The following SERPINA7 variants were observed in gnomAD, a reference collection of about 807,000 sequenced individuals.
SERPINA7 encodes thyroxine-binding globulin.
A neutral mutation model predicts 16.0 loss-of-function variants in SERPINA7; 14 were observed. The observed-to-expected ratio is 0.88, with a 90% CI of 0.58 to 1.37. The LOEUF (loss-of-function observed/expected upper bound fraction) is 1.37. SERPINA7 is among the 40% of genes most tolerant of loss of function. SERPINA7 has a pLI of 0.00. For missense variants in SERPINA7, 335 were observed against 296.6 expected (o/e 1.13, Z -0.95); for synonymous variants, 140 against 111.0 (o/e 1.26, Z -1.65).
intron 4 of SERPINA7, among the ~76,000 whole-genome samples, chrX:106,033,948 T>C (rs1328095069): frequency 1.8e-5 from 2 of 112,238 alleles, no homozygotes; most frequent in Admixed American, 9.5e-5. Flanking sequence ...CTCTTAAGCA[T>C]TCCCTCCTCA....
intron 3 of SERPINA7, 86 bp downstream of exon 3, chrX:106,035,026 T>C (rs1344008032): frequency 9.3e-7 from 1 of 1,078,932 alleles, no homozygotes. Context: ...TCAGGGTGAT[T>C]CTTCTGCCTC....
rs373157996 is a variant in SERPINA7 at position 106,034,206 on chromosome X, C to T, written c.1044+29G>A. The T allele has an allele frequency of 6.7e-6, 8 of 1,190,543 alleles. No individual in the cohort carries two copies. In the African/African-American group the frequency reaches 8.8e-5, roughly 13 times the overall value. The stretch of plus-strand genomic sequence containing the variant: ...CTCCTAATTGCTCTTCCAGTTCATA[C>T]ATTTAAGAACTCTAGTTTATCAACT... On this transcript the variant is annotated intron_variant, in intron 4 of 4. Coordinates refer to ENST00000372563, the MANE Select transcript of SERPINA7 (RefSeq NM_000354.6).
chrX:106,034,251 C>A lies in SERPINA7; in HGVS notation c.1028G>T (p.Gly343Val). 8.3e-7 allele frequency: 1 copy of A among 1,210,656 alleles called. No individual in the cohort carries two copies. The highest frequency in any genetic ancestry group is 1.8e-5 in the South Asian group (1 of 56,980). The change falls in exon 4 of 5, where the codon GGT becomes GTT. Residue 343 changes from glycine (G) to valine (V), a missense_variant. Physicochemically the swap from Gly to Val is moderately radical, Grantham distance 109. Coordinates refer to ENST00000372563, the MANE Select transcript of SERPINA7 (RefSeq NM_000354.6). ...TCAACTTACATTGGAAAGTTTCAGA[C>A]CATTGTCCTCTGTGAGTCCAGAAAA... ...ADFSGLTEDN[G>V]LKLSNAAHKA...
Position 106,037,038 on chromosome X carries a change from C to G in SERPINA7, c.21G>C (p.Leu7=), listed in dbSNP as rs1027807386. The G allele has an allele frequency of 8.3e-7, 1 of 1,209,577 alleles. No individual in the cohort carries two copies. Among genetic ancestry groups the G allele is most frequent in the Admixed American group, 2.2e-5 (1 of 45,893 alleles). Residue 7 remains leucine, a synonymous_variant, in exon 2 of 5, where the codon CTG becomes CTC. Transcript: ENST00000372563. The stretch of plus-strand genomic sequence containing the variant: ...CATGAAGCCCAAGTACCAAGAGAAC[C>G]AGATACAGGAATGGTGACATTTTGG... The part of the protein sequence containing the change: MSPFLY[L]VLLVLGLHAT...
Position 106,033,439 on chromosome X carries a change from A to G in SERPINA7, c.*61T>C, listed in dbSNP as rs1276445393. 5 of 1,137,161 alleles carry G rather than the reference A, an allele frequency of 4.4e-6. No individual in the cohort carries two copies. In the African/African-American group the frequency reaches 9.0e-5, roughly 20 times the overall value. 93.7% of individuals were successfully genotyped at this position (1,137,161 alleles called of 1,213,427 possible). Reference sequence around the variant, plus strand: ...GCTCACATCAATCACACCAGGCTATATTATTTATTTATTTCCCATTGCAAT... The same window carrying G: ...GCTCACATCAATCACACCAGGCTATGTTATTTATTTATTTCCCATTGCAAT... On this transcript the variant is annotated 3_prime_UTR_variant, in exon 5 of 5. Transcript: ENST00000372563.
At chrX:106,037,195 A>G in intron 1 of SERPINA7, 120 bp from the exon 2 acceptor site, 2 of 584,348 alleles carry the variant, frequency 3.4e-6, no homozygotes, top group Non-Finnish European at 5.5e-6. Flanking sequence ...ATATTTGATG[A>G]TGTGCTCATC....
chrX:106,035,324 G>T lies in SERPINA7; in HGVS notation c.684C>A (p.Asp228Glu), dbSNP rs201097082. The T allele has an allele frequency of 1.7e-6, 2 of 1,210,579 alleles. No individual in the cohort carries two copies. The highest frequency in any genetic ancestry group is 5.9e-5 in the East Asian group (2 of 33,816). Residue 228 changes from aspartate to glutamate, a missense_variant, in exon 3 of 5, where the codon GAC (aspartate) becomes GAA (glutamate). Asp to Glu is a conservative substitution (Grantham distance 45). Transcript: ENST00000372563. ...TGGGCACTTGAACAGTGGTGGTCTT[G>T]TCTATTAAGAAGCTGGAACTGTCTT... ...KTEDSSSFLI[D>E]KTTTVQVPMM... is the part of the protein sequence containing the mutation.
At chrX:106,034,120 C>G in intron 4 of SERPINA7, 115 bp downstream of exon 4, 1 of 730,863 alleles carries the variant, frequency 1.4e-6, no homozygotes, top group South Asian at 2.4e-5. Flanking sequence ...TAGGAGGAGT[C>G]ACACCGCCTC....
chrX:106,034,937 T>C (rs765313822), intron 3 of SERPINA7, among the ~76,000 whole-genome samples, 175 bp downstream of exon 3: 3 of 112,217 alleles, frequency 2.7e-5, no homozygotes, highest in African/African-American at 9.7e-5. Flanking sequence ...ATATGAAGTA[T>C]GTAGAATGCC....
chrX:106,038,029 G>A (rs191757134), intron 1 of SERPINA7, among the ~76,000 whole-genome samples: 6 of 111,056 alleles, frequency 5.4e-5, no homozygotes, highest in Non-Finnish European at 1.1e-4. Flanking sequence ...CTTACCCTCC[G>A]CACTCAATTG....
At chrX:106,034,521 C>A (rs1262575251) in intron 3 of SERPINA7, 139 bp from the exon 4 acceptor site, 3 of 569,071 alleles carry the variant, frequency 5.3e-6, no homozygotes, top group East Asian at 3.5e-5. Context: ...TAAGTCAATA[C>A]ATGGCACCAA....
chrX:106,033,152 A>C lies in SERPINA7; in HGVS notation c.*348T>G. 1 of 270,367 alleles carries C rather than the reference A, an allele frequency of 3.7e-6. No homozygotes were observed. The highest frequency in any genetic ancestry group is 6.7e-6 in the Non-Finnish European group (1 of 149,733). 22.3% of individuals were successfully genotyped at this position (270,367 alleles called of 1,213,427 possible). The stretch of plus-strand genomic sequence containing the variant: ...ATCTTATTGGAGTACTGGGATACGA[A>C]GACCTGACCTGCTTTTTAGCTATTC... On this transcript the variant is annotated 3_prime_UTR_variant, in exon 5 of 5. Transcript: ENST00000372563.
rs368597333 is a variant in SERPINA7 at position 106,035,350 on chromosome X, C to T, written c.658G>A (p.Glu220Lys). The T allele has an allele frequency of 1.9e-5, 23 of 1,209,954 alleles. No homozygotes were observed. In the Middle Eastern group the frequency reaches 9.2e-4, roughly 48 times the overall value. Residue 220 changes from glutamate (E) to lysine (K), a missense_variant, in exon 3 of 5, where the codon GAA becomes AAA. By Grantham distance (56) the Glu-to-Lys change is moderately conservative. Coordinates refer to ENST00000372563, the MANE Select transcript of SERPINA7 (RefSeq NM_000354.6). The stretch of plus-strand genomic sequence containing the variant: ...TCTATTAAGAAGCTGGAACTGTCTT[C>T]TGTCTTGGATGGATCAAAAGGATTT... ...WANPFDPSKT[E>K]DSSSFLIDKT... is the part of the protein sequence containing the mutation.
intron 3 of SERPINA7, 83 bp from the exon 4 acceptor site, chrX:106,034,465 A>T: frequency 1.2e-6 from 1 of 860,308 alleles, no homozygotes; most frequent in East Asian, 3.1e-5. Flanking sequence ...TGATGGTATT[A>T]TATTGGACTC....
intron 1 of SERPINA7, among the ~76,000 whole-genome samples, chrX:106,037,861 G>A (rs188426105): frequency 9.0e-6 from 1 of 111,585 alleles, no homozygotes; most frequent in Admixed American, 9.5e-5. Flanking sequence ...AGAAAGATAA[G>A]GTGTAAGGTT....
intron 4 of SERPINA7, 112 bp downstream of exon 4, chrX:106,034,123 A>C: frequency 5.3e-6 from 4 of 750,274 alleles, no homozygotes; most frequent in Non-Finnish European, 8.1e-6. Context: ...GAGGAGTCAC[A>C]CCGCCTCTCT....
rs1179979786 is a variant in SERPINA7 at position 106,038,690 on chromosome X, G to A, written c.-18+8C>T. The A allele has an allele frequency of 9.0e-6, 1 of 111,688 alleles. No individual in the cohort carries two copies. The highest frequency in any genetic ancestry group is 9.5e-5 in the Admixed American group (1 of 10,496). The allele number at this position is 111,688 out of a possible 1,213,427, so 9.2% of individuals were successfully genotyped here. A position where few individuals can be genotyped will look rare whatever the true frequency, so the allele number is the denominator to read the frequency against. On this transcript the variant is annotated splice_region_variant and intron_variant, in intron 1 of 4. Coordinates refer to ENST00000372563, the MANE Select transcript of SERPINA7 (RefSeq NM_000354.6). Reference sequence around the variant, plus strand: ...TTCAAAGTTTCCAAAGAGAAAAAAAGTACTTACAGCAAATGCCCAAGAATC... The same window carrying A: ...TTCAAAGTTTCCAAAGAGAAAAAAAATACTTACAGCAAATGCCCAAGAATC...
Position 106,036,732 on chromosome X carries a change from C to T in SERPINA7, c.327G>A (p.Gln109=), listed in dbSNP as rs1285927422. ...NLTDTPMVEI[Q]HGFQHLICSL... ...AACAGATCAGATGCTGGAAGCCATG[C>T]TGGATCTCTACCATTGGAGTGTCTG... Residue 109 remains glutamine (Q), a synonymous_variant, in exon 2 of 5, where the codon CAG becomes CAA. Coordinates refer to ENST00000372563, the MANE Select transcript of SERPINA7 (RefSeq NM_000354.6). 8.3e-7 allele frequency: 1 copy of T among 1,211,109 alleles called. No homozygotes were observed. Among genetic ancestry groups the T allele is most frequent in the Non-Finnish European group, 1.1e-6 (1 of 895,153 alleles).
chrX:106,035,850 T>C (rs1286732738), intron 2 of SERPINA7, among the ~76,000 whole-genome samples: 1 of 112,235 alleles, frequency 8.9e-6, no homozygotes, highest in African/African-American at 3.2e-5. Context: ...ACAGTACCTT[T>C]AGGAAATAGT....
Sources: gnomAD v4.1 joint callset for allele counts (sites outside exome capture counted in the v4.1 genomes callset) on GRCh38, gnomAD v4.1.1 for gene constraint, MANE v1.5 for transcripts, NCBI Gene and HGNC (gene_info 2026-07-23, HGNC 2026-07-21) for gene names.